Variants in PDE11A observed in about 807,000 individuals in gnomAD.
The protein encoded by PDE11A is phosphodiesterase 11A, also known as dual 3',5'-cyclic-AMP and -GMP phosphodiesterase 11A.
In PDE11A, 100 loss-of-function variants were observed where a neutral mutation model predicts 100.5. The ratio of observed to expected loss-of-function variants is 1.00; its 90% CI spans 0.85 to 1.18. The LOEUF (loss-of-function observed/expected upper bound fraction) is 1.18, where lower values mean the gene tolerates loss of function less well. Among genes scored for constraint, PDE11A ranks in the 50% most tolerant of loss-of-function variants. PDE11A has a pLI of 0.00. For missense variants in PDE11A, 1,141 were observed against 1,152.6 expected (o/e 0.99, Z 0.15); for synonymous variants, 381 against 420.8 (o/e 0.91, Z 1.16).
chr2:177,732,977 G>A (rs369504186), intron 10 of PDE11A, among the ~76,000 whole-genome samples: 1 of 152,190 alleles, frequency 6.6e-6, no homozygotes, highest in African/African-American at 2.4e-5. Flanking sequence ...AGAGTAACAG[G>A]CAGTATGTAT....
chr2:177,734,221 T>C (rs2081738751), intron 10 of PDE11A, among the ~76,000 whole-genome samples: 1 of 152,186 alleles, frequency 6.6e-6, no homozygotes, highest in East Asian at 1.9e-4. Context: ...AATTCAGAGC[T>C]GACTTTGGAA....
At chr2:177,714,270 G>A (rs2105429503) in intron 12 of PDE11A, among the ~76,000 whole-genome samples, 1 of 152,222 alleles carries the variant, frequency 6.6e-6, no homozygotes, top group Admixed American at 6.5e-5. Flanking sequence ...TGGGATTACA[G>A]GCGTGAGCCA....
At chr2:177,635,935 A>G (rs1262962658) in intron 19 of PDE11A, among the ~76,000 whole-genome samples, 1 of 151,538 alleles carries the variant, frequency 6.6e-6, no homozygotes, top group Non-Finnish European at 1.5e-5. Flanking sequence ...TGGAACCCAA[A>G]CATTGTTTAT....
At chr2:177,644,952 C>T (rs943035978) in intron 19 of PDE11A, among the ~76,000 whole-genome samples, 6 of 152,234 alleles carry the variant, frequency 3.9e-5, no homozygotes, top group Admixed American at 2.6e-4. Flanking sequence ...TGCCTTCCAC[C>T]ATGATTGTGA....
chr2:177,896,819 C>A (rs2084619587), intron 4 of PDE11A, among the ~76,000 whole-genome samples: 1 of 152,034 alleles, frequency 6.6e-6, no homozygotes, highest in African/African-American at 2.4e-5. Context: ...ATAAGTATGG[C>A]CTATTGGAGT....
chr2:178,102,445 T>G (rs1441964532), intron 2 of PDE11A, among the ~76,000 whole-genome samples: 9 of 147,992 alleles, frequency 6.1e-5, no homozygotes, highest in African/African-American at 2.2e-4. Context: ...TTTTTTTTTT[T>G]TTTTTTTTTT....
chr2:177,925,808 AC>A, intron 2 of PDE11A, among the ~76,000 whole-genome samples: 1 of 152,308 alleles, frequency 6.6e-6, no homozygotes, highest in South Asian at 2.1e-4. Flanking sequence ...ACCTTGAAAA[AC>A]TAAACTGTGT....
chr2:177,677,625 GGA>G (rs2080797781), intron 16 of PDE11A, among the ~76,000 whole-genome samples: 1 of 152,248 alleles, frequency 6.6e-6, no homozygotes, highest in South Asian at 2.1e-4. Context: ...GTGGAAGGAA[GGA>G]GACTCATTGG....
chr2:177,675,701 C>T (rs557901842), intron 16 of PDE11A, 183 bp from the exon 17 acceptor site: 23 of 699,134 alleles, frequency 3.3e-5, no homozygotes, highest in South Asian at 1.4e-4. Context: ...CATGTGGCCA[C>T]GCTGCTTAGG....
intron 2 of PDE11A, among the ~76,000 whole-genome samples, chr2:177,917,196 A>AAG (rs2084967826): frequency 8.0e-6 from 1 of 125,072 alleles, no homozygotes; most frequent in South Asian, 2.6e-4. Context: ...TATATGTGCC[A>AAG]AAAAAAAAAT....
intron 2 of PDE11A, among the ~76,000 whole-genome samples, chr2:177,993,603 T>C (rs1454247383): frequency 6.6e-6 from 1 of 152,162 alleles, no homozygotes; most frequent in East Asian, 1.9e-4. Context: ...GCATTTCCTA[T>C]TGATTGTTTA....
chr2:177,870,623 A>G (rs2105686543), intron 5 of PDE11A, among the ~76,000 whole-genome samples: 1 of 152,302 alleles, frequency 6.6e-6, no homozygotes, highest in Non-Finnish European at 1.5e-5. Flanking sequence ...TTTCCTGGTA[A>G]TCTACTTGCA....
intron 1 of PDE11A, among the ~76,000 whole-genome samples, chr2:178,037,075 G>A (rs2105845660): frequency 6.6e-6 from 1 of 152,276 alleles, no homozygotes; most frequent in South Asian, 2.1e-4. Context: ...TATCATCAGA[G>A]TGAACAGGCA....
chr2:178,083,679 C>A (rs1433098813), intron 2 of PDE11A, among the ~76,000 whole-genome samples: 1 of 152,164 alleles, frequency 6.6e-6, no homozygotes. Flanking sequence ...ACTAATAACA[C>A]CACATTCCCC....
At chr2:177,892,350 C>T (rs1323666921) in intron 4 of PDE11A, among the ~76,000 whole-genome samples, 4 of 152,080 alleles carry the variant, frequency 2.6e-5, no homozygotes, top group Admixed American at 6.5e-5. Flanking sequence ...TAGAATAATA[C>T]ATCATTCTCC....
At chr2:177,765,921 G>T (rs906874544) in intron 10 of PDE11A, among the ~76,000 whole-genome samples, 1 of 152,174 alleles carries the variant, frequency 6.6e-6, no homozygotes, top group African/African-American at 2.4e-5. Context: ...GGTTCCAACT[G>T]AAGTCTGTCA....
At position 177,631,322 on chromosome 2, in the gene PDE11A, A is replaced by AAAAAAAAAAAAAAAAAAAAAAC. The variant is rs1469522170; in HGVS notation, c.2647-1761_2647-1760insGTTTTTTTTTTTTTTTTTTTTT. Among the ~76,000 whole-genome samples, 13 of 16,860 alleles carry AAAAAAAAAAAAAAAAAAAAAAC rather than the reference A, an allele frequency of 7.7e-4. 5 individuals are homozygous for AAAAAAAAAAAAAAAAAAAAAAC. The highest frequency in any genetic ancestry group is 1.0e-3 in the African/African-American group (11 of 10,822). 11.1% of individuals were successfully genotyped at this position (16,860 alleles called of 152,430 possible). A position where few individuals can be genotyped will look rare whatever the true frequency, so the allele number is the denominator to read the frequency against. ...AAAAAAAAAAAAAACAAAAAAAAAA[A>AAAAAAAAAAAAAAAAAAAAAAC]CAACCTAGGCGTGGTGGCACATGCC... On this transcript the variant is annotated intron_variant, in intron 19 of 19. Transcript: ENST00000286063.
chr2:177,807,549 T>C (rs2082890877), intron 9 of PDE11A, among the ~76,000 whole-genome samples: 1 of 152,028 alleles, frequency 6.6e-6, no homozygotes. Flanking sequence ...ACCTCCCAAG[T>C]AGCTAGGACT....
At chr2:177,762,583 G>A (rs557285130) in intron 10 of PDE11A, among the ~76,000 whole-genome samples, 97 of 152,212 alleles carry the variant, frequency 6.4e-4, no homozygotes, top group Non-Finnish European at 1.2e-3. Context: ...AAACAAAAAT[G>A]AGCCCTCCTT....
Sources: allele counts gnomAD v4.1 joint callset (sites outside exome capture counted in the v4.1 genomes callset), GRCh38; gene constraint gnomAD v4.1.1; transcripts MANE v1.5; gene names NCBI Gene and HGNC (gene_info 2026-07-23, HGNC 2026-07-21).